XRN2: variants seen among roughly 807,000 people sequenced by gnomAD.
XRN2 encodes DHM1-like protein.
A neutral mutation model predicts 138.5 loss-of-function variants in XRN2; 44 were observed. The observed-to-expected ratio is 0.32, with a 90% CI of 0.25 to 0.41. The LOEUF is 0.41. XRN2 is among the 10% of genes least tolerant of loss of function. The probability of loss-of-function intolerance (pLI) is 1.00; values close to 1 mark genes in which losing one functional copy is unlikely to be tolerated. For missense variants in XRN2, 937 were observed against 1,169.3 expected (o/e 0.80, Z 2.90); for synonymous variants, 354 against 369.4 (o/e 0.96, Z 0.48).
At chr20:21,333,662 G>T in intron 10 of XRN2, 42 bp from the exon 11 acceptor site, 1 of 1,613,984 alleles carries the variant, frequency 6.2e-7, no homozygotes, top group Non-Finnish European at 8.5e-7. Context: ...AAAGCAGGGT[G>T]CCTTTGATAG....
chr20:21,354,053 T>C (rs1381216576), intron 20 of XRN2, among the ~76,000 whole-genome samples: 2 of 151,992 alleles, frequency 1.3e-5, no homozygotes, highest in East Asian at 1.9e-4. Flanking sequence ...GCAGAAAATA[T>C]ATACGCTTCA....
Position 21,386,993 on chromosome 20 carries a change from G to A in XRN2, c.2774G>A (p.Arg925His), listed in dbSNP as rs375386769. ...GGGTATCCACCCAGACGAGATGATC[G>A]TGGAGGGAGACAGGTAAATGGTTGT... ...PGGYPPRRDD[R>H]GGRQGYPREG... Residue 925 changes from arginine to histidine, a missense_variant, in exon 29 of 30, where the codon CGT (arginine) becomes CAT (histidine). By Grantham distance (29) the Arg-to-His change is conservative. Coordinates refer to ENST00000377191, the MANE Select transcript of XRN2 (RefSeq NM_012255.5). 7.0e-5 allele frequency: 112 copies of A among 1,608,942 alleles called. No individual in the cohort carries two copies. Among genetic ancestry groups the A allele is most frequent in the East Asian group, 1.6e-4 (7 of 44,756 alleles).
chr20:21,327,842 G>A (rs1312513826), intron 3 of XRN2, among the ~76,000 whole-genome samples: 1 of 152,118 alleles, frequency 6.6e-6, no homozygotes, highest in East Asian at 1.9e-4. Flanking sequence ...GATGTAAACA[G>A]GATATTTCAC....
intron 28 of XRN2, among the ~76,000 whole-genome samples, chr20:21,382,695 G>A (rs1025485446): frequency 6.6e-6 from 1 of 152,146 alleles, no homozygotes; most frequent in African/African-American, 2.4e-5. Context: ...AATGTGACAT[G>A]GTTTAATAAC....
chr20:21,389,234 C>T (rs149334435), intron 29 of XRN2, 39 bp from the exon 30 acceptor site: 24 of 1,566,854 alleles, frequency 1.5e-5, no homozygotes, highest in African/African-American at 6.8e-5. Context: ...GCAGGAGTAT[C>T]GGTCCAGAAA....
intron 28 of XRN2, 23 bp downstream of exon 28, chr20:21,382,080 CT>C: frequency 6.3e-7 from 1 of 1,582,404 alleles, no homozygotes; most frequent in Non-Finnish European, 8.6e-7. Context: ...GTAGACATGA[CT>C]TTTAAATACT....
chr20:21,348,737 G>A (rs926383525), intron 19 of XRN2, among the ~76,000 whole-genome samples: 2 of 151,964 alleles, frequency 1.3e-5, no homozygotes, highest in East Asian at 3.9e-4. Context: ...TCTGCCTCCC[G>A]GGTTCACGCC....
rs904247329 is a variant in XRN2 at position 21,330,665 on chromosome 20, C to T, written c.536C>T (p.Ala179Val). 1 of 1,613,202 alleles carries T rather than the reference C, an allele frequency of 6.2e-7. No homozygotes were observed. The highest frequency in any genetic ancestry group is 1.7e-5 in the Admixed American group (1 of 60,012). The change falls in exon 6 of 30, where the codon GCT (alanine) becomes GTT (valine). Residue 179 changes from alanine (A) to valine (V), a missense_variant. Ala to Val is a moderately conservative substitution (Grantham distance 64, BLOSUM62 0). This residue lies in a region of XRN2 where 471 missense variants were observed against 581.2 expected (regional missense o/e 0.81). Transcript: ENST00000377191. ...NLAKCLRYYI[A>V]DRLNNDPGWK... The stretch of plus-strand genomic sequence containing the variant: ...GCTAAATGCCTTCGCTATTACATAG[C>T]TGATCGTTTAAATAATGACCCTGGG...
chr20:21,328,829 A>G (rs918945753), intron 4 of XRN2, among the ~76,000 whole-genome samples, 159 bp downstream of exon 4: 2 of 152,164 alleles, frequency 1.3e-5, no homozygotes, highest in Non-Finnish European at 2.9e-5. Context: ...CATGAAATCT[A>G]CCAATAGGCT....
At chr20:21,316,135 T>A (rs1254084867) in intron 1 of XRN2, among the ~76,000 whole-genome samples, 1 of 152,022 alleles carries the variant, frequency 6.6e-6, no homozygotes, top group African/African-American at 2.4e-5. Flanking sequence ...GCGCCTGTAA[T>A]CCCAGCTACT....
chr20:21,315,422 G>A (rs569730979), intron 1 of XRN2, among the ~76,000 whole-genome samples: 2 of 152,198 alleles, frequency 1.3e-5, no homozygotes, highest in South Asian at 2.1e-4. Flanking sequence ...GTCGTGTTGA[G>A]CATCTTTTCA....
intron 6 of XRN2, 97 bp downstream of exon 6, chr20:21,330,802 A>G (rs1215906209): frequency 2.6e-6 from 3 of 1,144,000 alleles, no homozygotes; most frequent in East Asian, 5.1e-5. Flanking sequence ...GCCCTGCCCC[A>G]TAAAATGCTA....
At chr20:21,377,957 G>C (rs981582557) in intron 27 of XRN2, among the ~76,000 whole-genome samples, 1 of 152,088 alleles carries the variant, frequency 6.6e-6, no homozygotes, top group South Asian at 2.1e-4. Context: ...TCCGTCCCTC[G>C]ACAGACCGGC....
chr20:21,326,884 A>G (rs1246090426), intron 3 of XRN2, among the ~76,000 whole-genome samples: 2 of 152,192 alleles, frequency 1.3e-5, no homozygotes, highest in Non-Finnish European at 2.9e-5. Flanking sequence ...GGGTGAGCTT[A>G]ATTATTTATA....
At chr20:21,321,341 G>A (rs978255250) in intron 1 of XRN2, among the ~76,000 whole-genome samples, 10 of 146,282 alleles carry the variant, frequency 6.8e-5, no homozygotes, top group African/African-American at 2.5e-4. Context: ...GTGTGTGTGT[G>A]TGTGTGTGTA....
chr20:21,379,240 C>G (rs2122352667), intron 27 of XRN2, among the ~76,000 whole-genome samples: 1 of 152,316 alleles, frequency 6.6e-6, no homozygotes, highest in Middle Eastern at 3.4e-3. Context: ...GTGCAATTCA[C>G]TGTCTCAGAA....
At chr20:21,329,854 CTGGTGTGT>C (rs1568574102) in intron 4 of XRN2, among the ~76,000 whole-genome samples, 1 of 110,170 alleles carries the variant, frequency 9.1e-6, no homozygotes, top group Non-Finnish European at 1.8e-5. Context: ...TGGCCTCTAA[CTGGTGTGT>C]GTGTGTGTGT....
chr20:21,318,475 C>CTT (rs912831208), intron 1 of XRN2, among the ~76,000 whole-genome samples: 4 of 151,492 alleles, frequency 2.6e-5, no homozygotes, highest in Non-Finnish European at 4.4e-5. Context: ...AGTTTACTCT[C>CTT]TTTTGGTATC....
In XRN2 at chr20:21,365,590, T is replaced by G. The variant is rs1332815214; in HGVS notation, c.2342T>G (p.Leu781Arg). Reference protein sequence around the residue: ...LPGARKPAAVLKPSDWEKSSN... With the variant: ...LPGARKPAAVRKPSDWEKSSN... ...ATGGTCAGAAAGCCAGCAGCAGTAC[T>G]GAAACCTAGTGACTGGGAAAAATCC... The change falls in exon 26 of 30, where the codon CTG (leucine) becomes CGG (arginine). Residue 781 changes from leucine to arginine, a missense_variant. By Grantham distance (102) the Leu-to-Arg change is moderately radical. Coordinates refer to ENST00000377191, the MANE Select transcript of XRN2 (RefSeq NM_012255.5). The G allele has an allele frequency of 6.2e-7, 1 of 1,613,420 alleles. No homozygotes were observed. Among genetic ancestry groups the G allele is most frequent in the Admixed American group, 1.7e-5 (1 of 59,918 alleles).
Sources: allele counts gnomAD v4.1 joint callset (sites outside exome capture counted in the v4.1 genomes callset), GRCh38; gene constraint gnomAD v4.1.1; regional missense constraint gnomAD v4.1.1; transcripts MANE v1.5; gene names NCBI Gene and HGNC (gene_info 2026-07-23, HGNC 2026-07-21).